ADAMTS17: variants seen among roughly 807,000 people sequenced by gnomAD.
ADAMTS17 encodes ADAM metallopeptidase with thrombospondin type 1 motif 17, also known as A disintegrin and metalloproteinase with thrombospondin motifs 17.
ADAMTS17 carries 113 observed loss-of-function variants against 141.5 expected under a neutral mutation model. The ratio of observed to expected loss-of-function variants is 0.80; its 90% CI spans 0.69 to 0.93. ADAMTS17 has a LOEUF of 0.93. Ranked by LOEUF, ADAMTS17 falls within the 40% of genes least tolerant of loss-of-function variation. ADAMTS17 has a pLI of 0.00. For missense variants in ADAMTS17, 1,659 were observed against 1,517.9 expected, an observed-to-expected ratio of 1.09 and a Z score of -1.54; for synonymous variants, 768 against 630.6, an observed-to-expected ratio of 1.22 and a Z score of -3.27.
chr15:100,281,886 A>T (rs1343329806), intron 3 of ADAMTS17, among the ~76,000 whole-genome samples: 1 of 152,192 alleles, frequency 6.6e-6, no homozygotes, highest in African/African-American at 2.4e-5. Flanking sequence ...AGGAGCCATA[A>T]ATGTTGGTAG....
chr15:100,301,491 ATTTTTTT>A (rs55686011), intron 3 of ADAMTS17, among the ~76,000 whole-genome samples: 19 of 133,308 alleles, frequency 1.4e-4, no homozygotes, highest in African/African-American at 3.1e-4. Flanking sequence ...CACCGGGCTA[ATTTTTTT>A]TTTTTTTTTT....
chr15:100,291,709 G>T (rs1375156976), intron 3 of ADAMTS17, among the ~76,000 whole-genome samples: 1 of 152,108 alleles, frequency 6.6e-6, no homozygotes, highest in African/African-American at 2.4e-5. Context: ...TGGAGCGAAA[G>T]GCCATCATCC....
intron 12 of ADAMTS17, chr15:100,129,132 G>T (rs2037900965): frequency 6.6e-6 from 1 of 152,212 alleles, no homozygotes; most frequent in Non-Finnish European, 1.5e-5. Context: ...ATATCCTCCT[G>T]CTATGATGTT....
rs117791666 is a variant in ADAMTS17 at position 100,299,397 on chromosome 15, C to T, written c.617-17996G>A. 5.9e-5 allele frequency among the ~76,000 whole-genome samples: 9 copies of T among 151,418 alleles called. No homozygotes were observed. The South Asian group carries it at 1.3e-3, about 21-fold the overall frequency. ...ATTCAGCAAATCCGCAAAAAACAAA[C>T]GCCAGTACTTAGAATTATCATGATT... On this transcript the variant is annotated intron_variant, in intron 3 of 21. Coordinates refer to ENST00000268070, the MANE Select transcript of ADAMTS17 (RefSeq NM_139057.4).
In ADAMTS17 at chr15:100,141,612, G is replaced by T. The variant is rs547516546; in HGVS notation, c.1474-8297C>A. 2.6e-5 allele frequency among the ~76,000 whole-genome samples: 4 copies of T among 152,272 alleles called. No individual in the cohort carries two copies. In the South Asian group the frequency reaches 8.3e-4, roughly 32 times the overall value. ...TGGAAGGCTTCCTGAGTCCTGGGAG[G>T]GCCACTCCTTCCATGTTCCTGAGGG... is the stretch of plus-strand genomic sequence containing the variant. On this transcript the variant is annotated intron_variant, in intron 10 of 21. Coordinates refer to ENST00000268070, the MANE Select transcript of ADAMTS17 (RefSeq NM_139057.4).
At chr15:100,032,494 T>C (rs1205302007) in intron 18 of ADAMTS17, among the ~76,000 whole-genome samples, 1 of 152,206 alleles carries the variant, frequency 6.6e-6, no homozygotes, top group African/African-American at 2.4e-5. Flanking sequence ...TCCCAGAGCT[T>C]TGGGCCTTTG....
In ADAMTS17 at chr15:100,332,928, C is replaced by T. The variant is rs117495920; in HGVS notation, c.451-1874G>A. On this transcript the variant is annotated intron_variant, in intron 2 of 21. Transcript: ENST00000268070. ...AGGAGGGGTTGTACAGGGCCCTCAC[C>T]CTGGGAACCTGCGTGAGGAAGGGCC... Among the ~76,000 whole-genome samples, 1,138 of 152,298 alleles carry T rather than the reference C, an allele frequency of 7.5e-3. 6 individuals carry two copies. Among genetic ancestry groups the T allele is most frequent in the Non-Finnish European group, 0.01 (697 of 68,032 alleles).
intron 14 of ADAMTS17, among the ~76,000 whole-genome samples, chr15:100,107,082 CCA>C (rs1024703571): frequency 2.0e-5 from 3 of 152,162 alleles, no homozygotes; most frequent in Non-Finnish European, 4.4e-5. Context: ...CTGAAAAATC[CCA>C]GTTTCAGACT....
At chr15:100,238,257 C>T (rs1357365622) in intron 7 of ADAMTS17, among the ~76,000 whole-genome samples, 4 of 152,198 alleles carry the variant, frequency 2.6e-5, no homozygotes, top group Non-Finnish European at 4.4e-5. Flanking sequence ...AGGTCCCAGC[C>T]CCTCCACTTC....
rs751977247 is a variant in ADAMTS17 at position 100,337,958 on chromosome 15, G to A, written c.450+3081C>T. Among the ~76,000 whole-genome samples the A allele has an allele frequency of 5.3e-5, 8 of 152,176 alleles. No homozygotes were observed. The South Asian group carries it at 6.2e-4, about 12-fold the overall frequency. Reference sequence around the variant, plus strand: ...CTGATCCGAACTTACATAAATTCACGAAGAGTGTAAAGGCCTTCCTCAGAC... The same window carrying A: ...CTGATCCGAACTTACATAAATTCACAAAGAGTGTAAAGGCCTTCCTCAGAC... On this transcript the variant is annotated intron_variant, in intron 2 of 21. Coordinates refer to ENST00000268070, the MANE Select transcript of ADAMTS17 (RefSeq NM_139057.4).
intron 13 of ADAMTS17, among the ~76,000 whole-genome samples, chr15:100,116,637 C>T (rs2037148461): frequency 6.6e-6 from 1 of 152,264 alleles, no homozygotes; most frequent in Admixed American, 6.5e-5. Context: ...CCTGCTTCAA[C>T]AGCTGCAGTT....
intron 10 of ADAMTS17, among the ~76,000 whole-genome samples, chr15:100,137,256 A>G (rs576144466): frequency 1.3e-5 from 2 of 152,342 alleles, no homozygotes; most frequent in Admixed American, 1.3e-4. Context: ...GACAAGGCAG[A>G]AATGACAGAG....
At chr15:100,048,272 G>C (rs8041456) in intron 18 of ADAMTS17, among the ~76,000 whole-genome samples, 1 of 152,102 alleles carries the variant, frequency 6.6e-6, no homozygotes, top group African/African-American at 2.4e-5. Context: ...TTAAAGTCCC[G>C]CTAAAATGAC....
At chr15:100,124,306 A>G (rs189712521) in intron 12 of ADAMTS17, among the ~76,000 whole-genome samples, 1 of 152,338 alleles carries the variant, frequency 6.6e-6, no homozygotes, top group Non-Finnish European at 1.5e-5. Context: ...AGAAGCTTAG[A>G]TACAAAACCA....
At chr15:100,341,800 G>A in intron 1 of ADAMTS17, 21 bp downstream of exon 1, 2 of 1,549,474 alleles carry the variant, frequency 1.3e-6, no homozygotes, top group Non-Finnish European at 1.7e-6. Context: ...GGGTGAAGAG[G>A]GCTGTGGGAG....
intron 3 of ADAMTS17, among the ~76,000 whole-genome samples, chr15:100,288,130 G>C (rs540742160): frequency 6.6e-6 from 1 of 152,318 alleles, no homozygotes; most frequent in South Asian, 2.1e-4. Flanking sequence ...CACATGCAGT[G>C]ACACCCACAG....
At chr15:100,138,347 T>C (rs1222274516) in intron 10 of ADAMTS17, among the ~76,000 whole-genome samples, 1 of 152,232 alleles carries the variant, frequency 6.6e-6, no homozygotes, top group East Asian at 1.9e-4. Context: ...ACTGTCAAGG[T>C]GTTTAGGTAA....
chr15:100,057,034 T>G (rs543880235), intron 15 of ADAMTS17, among the ~76,000 whole-genome samples: 1 of 152,134 alleles, frequency 6.6e-6, no homozygotes, highest in East Asian at 1.9e-4. Context: ...CCGCAGTGTG[T>G]GGCTCAGTGG....
intron 8 of ADAMTS17, among the ~76,000 whole-genome samples, chr15:100,174,234 GCTC>G (rs1266042642): frequency 6.6e-6 from 1 of 152,134 alleles, no homozygotes; most frequent in African/African-American, 2.4e-5. Flanking sequence ...TGTTATTTCT[GCTC>G]AGATTCCCAA....
Sources: allele counts gnomAD v4.1 joint callset (sites outside exome capture counted in the v4.1 genomes callset), GRCh38; gene constraint gnomAD v4.1.1; transcripts MANE v1.5; gene names NCBI Gene and HGNC (gene_info 2026-07-23, HGNC 2026-07-21).